CATSPERT: variants seen among roughly 807,000 people sequenced by gnomAD.
CATSPERT encodes cation channel sperm-associated targeting subunit tau.
chr2:201,618,354 A>G, the CATSPERT span, among the ~76,000 whole-genome samples: 1 of 152,202 alleles, frequency 6.6e-6, no homozygotes, highest in South Asian at 2.1e-4. Context: ...TGTGGCACAT[A>G]TACACCATGG....
At chr2:201,541,536 TATATATATATATA>T in the CATSPERT span, among the ~76,000 whole-genome samples, 1 of 16,168 alleles carries the variant, frequency 6.2e-5, no homozygotes, top group African/African-American at 1.6e-4. Flanking sequence ...TGATTTTATA[TATATATATATATA>T]TATATATATA....
At chr2:201,568,025 C>G in the CATSPERT span, among the ~76,000 whole-genome samples, 5 of 152,180 alleles carry the variant, frequency 3.3e-5, no homozygotes, top group Non-Finnish European at 7.3e-5. Context: ...CCTCCAAAAT[C>G]CAAAGAGGCC....
the CATSPERT span, among the ~76,000 whole-genome samples, chr2:201,592,052 C>A: frequency 8.5e-5 from 13 of 152,158 alleles, no homozygotes; most frequent in East Asian, 1.4e-3. Context: ...GAGGGCAACC[C>A]TGTCTTGTGC....
chr2:201,619,076 C>T, the CATSPERT span: 2 of 1,614,172 alleles, frequency 1.2e-6, no homozygotes, highest in East Asian at 4.5e-5. Flanking sequence ...TGGACCTGCC[C>T]GCTGCGGTTA....
At chr2:201,573,930 T>C in the CATSPERT span, among the ~76,000 whole-genome samples, 3 of 152,214 alleles carry the variant, frequency 2.0e-5, no homozygotes, top group Admixed American at 2.0e-4. Flanking sequence ...GTGTTGGGAT[T>C]ATGGGTGTGA....
the CATSPERT span, chr2:201,534,688 C>T: frequency 1.0e-6 from 1 of 983,086 alleles, no homozygotes; most frequent in Non-Finnish European, 1.2e-6. Flanking sequence ...TAAAGTGGTA[C>T]AGTCTTTCTG....
At chr2:201,560,787 C>T in the CATSPERT span, among the ~76,000 whole-genome samples, 8,161 of 145,016 alleles carry the variant, frequency 0.056, 266 homozygotes, top group African/African-American at 0.081. Flanking sequence ...TGAAATCTCT[C>T]TTTTTTTTTT....
the CATSPERT span, among the ~76,000 whole-genome samples, chr2:201,601,280 G>A: frequency 2.2e-5 from 3 of 137,494 alleles, no homozygotes; most frequent in East Asian, 2.2e-4. Context: ...GATAGTGTGT[G>A]TGTGTGTGTG....
chr2:201,614,131 C>A, the CATSPERT span, among the ~76,000 whole-genome samples: 11 of 152,222 alleles, frequency 7.2e-5, no homozygotes, highest in Non-Finnish European at 1.5e-4. Context: ...TTGGAAAACA[C>A]TCTTCAGGAT....
At chr2:201,496,713 T>C in the CATSPERT span, among the ~76,000 whole-genome samples, 1 of 152,222 alleles carries the variant, frequency 6.6e-6, no homozygotes, top group Non-Finnish European at 1.5e-5. Context: ...TAAAGAAATC[T>C]AAATCAAGAT....
chr2:201,599,966 C>T, the CATSPERT span, among the ~76,000 whole-genome samples: 1 of 152,032 alleles, frequency 6.6e-6, no homozygotes, highest in Non-Finnish European at 1.5e-5. Flanking sequence ...TTGCTTAAAA[C>T]AAACAAACAA....
chr2:201,521,280 G>C, the CATSPERT span, among the ~76,000 whole-genome samples: 1 of 152,142 alleles, frequency 6.6e-6, no homozygotes, highest in Non-Finnish European at 1.5e-5. Flanking sequence ...CTGAGACTGG[G>C]TAATTTATGA....
chr2:201,545,801 C>T, the CATSPERT span, among the ~76,000 whole-genome samples: 4 of 152,036 alleles, frequency 2.6e-5, no homozygotes, highest in South Asian at 8.3e-4. Flanking sequence ...GCAATTCAAA[C>T]AGCACTATTT....
At chr2:201,490,425 G>A in the CATSPERT span, among the ~76,000 whole-genome samples, 1 of 152,150 alleles carries the variant, frequency 6.6e-6, no homozygotes, top group Non-Finnish European at 1.5e-5. Flanking sequence ...AAAAGAAAAT[G>A]TCGGCTATGT....
chr2:201,507,946 A>C, the CATSPERT span, among the ~76,000 whole-genome samples: 1 of 152,168 alleles, frequency 6.6e-6, no homozygotes, highest in Non-Finnish European at 1.5e-5. Flanking sequence ...CACCAGAACA[A>C]GGGGGAAGTC....
chr2:201,534,739 G>A, the CATSPERT span: 1 of 978,496 alleles, frequency 1.0e-6, no homozygotes, highest in Non-Finnish European at 1.2e-6. Flanking sequence ...AAATACATTA[G>A]GAGATAATCA....
At chr2:201,492,277 T>C in the CATSPERT span, 1 of 1,533,516 alleles carries the variant, frequency 6.5e-7, no homozygotes, top group African/African-American at 1.4e-5. Flanking sequence ...AGAACTAGAA[T>C]TAAGCAAATT....
the CATSPERT span, chr2:201,492,151 T>C: frequency 4.6e-6 from 7 of 1,525,820 alleles, no homozygotes; most frequent in Non-Finnish European, 6.1e-6. Flanking sequence ...AGAAACCGTT[T>C]GTAAAGTGGT....
chr2:201,583,804 A>C, the CATSPERT span, among the ~76,000 whole-genome samples: 452 of 152,284 alleles, frequency 3.0e-3, 4 homozygotes, highest in East Asian at 0.018. Flanking sequence ...ATAGACCCCC[A>C]AAACACCTTA....
Sources: allele counts gnomAD v4.1 joint callset (sites outside exome capture counted in the v4.1 genomes callset), GRCh38; gene constraint gnomAD v4.1.1; transcripts MANE v1.5; gene names NCBI Gene and HGNC (gene_info 2026-07-23, HGNC 2026-07-21).